Variants in NBEA observed in about 807,000 individuals in gnomAD.
NBEA encodes the protein lysosomal-trafficking regulator 2.
Under a neutral mutation model 343.4 loss-of-function variants are expected in NBEA, and 44 were observed. That is an observed-to-expected ratio of 0.13 (90% CI 0.10 to 0.16). The LOEUF (loss-of-function observed/expected upper bound fraction) is 0.16. Among genes scored for constraint, NBEA ranks in the 10% least tolerant of loss-of-function variants. NBEA has a pLI of 1.00. For synonymous variants in NBEA, 1,175 were observed against 1,238.7 expected (o/e 0.95, Z 1.08); for missense variants, 2,555 against 3,631.3 (o/e 0.70, Z 7.62).
intron 41 of NBEA, chr13:35,476,765 G>C (rs767558016): frequency 2.9e-5 from 30 of 1,043,238 alleles, no homozygotes; most frequent in Non-Finnish European, 3.5e-5. Context: ...CACTGGGCTC[G>C]TCACGACAGC....
chr13:35,091,342 T>G lies in NBEA; in HGVS notation c.1572-6955T>G, dbSNP rs1407397087. On this transcript the variant is annotated intron_variant, in intron 10 of 58. Coordinates refer to ENST00000379939, the MANE Select transcript of NBEA (RefSeq NM_001385012.1). ...AGAACTGAAAATATCAGGGATGTCA[T>G]GGAAAGGGAAGAACATGAGAAAGTA... Among the ~76,000 whole-genome samples the G allele has an allele frequency of 3.3e-5, 5 of 151,942 alleles. 1 individual carries two copies. The highest frequency in any genetic ancestry group is 7.4e-5 in the Non-Finnish European group (5 of 67,966).
chr13:35,304,875 T>A (rs1219126059), intron 35 of NBEA, among the ~76,000 whole-genome samples: 2 of 152,192 alleles, frequency 1.3e-5, no homozygotes, highest in Admixed American at 1.3e-4. Context: ...TTTTATCTGT[T>A]TACTTTATTA....
rs1022002828 is a variant in NBEA, at chr13:35,145,486, C to G, written c.2445+3109C>G. On this transcript the variant is annotated intron_variant, in intron 18 of 58. Coordinates refer to ENST00000379939, the MANE Select transcript of NBEA (RefSeq NM_001385012.1). ...CTTATCTGAGGCCTCTTTAGTGGGTCTGCATACAAGGATGTCATCCACATA... is the reference window on the plus strand; with the variant it reads ...CTTATCTGAGGCCTCTTTAGTGGGTGTGCATACAAGGATGTCATCCACATA... Among the ~76,000 whole-genome samples, 5 of 152,282 alleles carry G rather than the reference C, an allele frequency of 3.3e-5. No homozygotes were observed. The East Asian group carries it at 5.8e-4, about 18-fold the overall frequency.
intron 1 of NBEA, among the ~76,000 whole-genome samples, chr13:35,033,273 A>G (rs2062307213): frequency 6.6e-6 from 1 of 151,710 alleles, no homozygotes; most frequent in South Asian, 2.1e-4. Flanking sequence ...TCTTTTCCCT[A>G]GTGTATGTTC....
At chr13:35,074,874 T>A (rs1264794151) in intron 10 of NBEA, among the ~76,000 whole-genome samples, 1 of 152,074 alleles carries the variant, frequency 6.6e-6, no homozygotes, top group Non-Finnish European at 1.5e-5. Flanking sequence ...ATAATTCTGT[T>A]ACCTACAGTC....
chr13:35,210,910 T>C, intron 32 of NBEA, 143 bp from the exon 33 acceptor site: 1 of 766,770 alleles, frequency 1.3e-6, no homozygotes, highest in Non-Finnish European at 2.1e-6. Flanking sequence ...TTAGCATACT[T>C]ACTAATGGCC....
chr13:34,993,912 A>G (rs574932711), intron 1 of NBEA, among the ~76,000 whole-genome samples: 19 of 152,130 alleles, frequency 1.2e-4, no homozygotes, highest in African/African-American at 4.3e-4. Context: ...ATGGCTTCAT[A>G]AGGGGCTGGG....
intron 41 of NBEA, among the ~76,000 whole-genome samples, chr13:35,497,738 C>A (rs998350275): frequency 1.3e-5 from 2 of 152,020 alleles, no homozygotes; most frequent in Non-Finnish European, 2.9e-5. Flanking sequence ...TCAACTCTTA[C>A]AGGTGTCTGG....
At chr13:35,429,695 A>C (rs149447439) in intron 38 of NBEA, among the ~76,000 whole-genome samples, 2,042 of 151,852 alleles carry the variant, frequency 0.013, 56 homozygotes, top group African/African-American at 0.047. Context: ...TTAAGTGGTG[A>C]CTTCTGAGAT....
At chr13:35,404,374 C>G (rs1297658654) in intron 38 of NBEA, among the ~76,000 whole-genome samples, 1 of 150,304 alleles carries the variant, frequency 6.7e-6, no homozygotes, top group South Asian at 2.1e-4. Flanking sequence ...CAATGATAGA[C>G]TGGATTAAGA....
intron 49 of NBEA, among the ~76,000 whole-genome samples, chr13:35,638,967 C>T (rs1005077599): frequency 2.0e-5 from 3 of 152,152 alleles, no homozygotes; most frequent in African/African-American, 7.2e-5. Context: ...CTTAGATTTA[C>T]GCTAAAAGAA....
chr13:35,488,555 C>G (rs2076386849), intron 41 of NBEA, among the ~76,000 whole-genome samples: 1 of 151,896 alleles, frequency 6.6e-6, no homozygotes, highest in Non-Finnish European at 1.5e-5. Flanking sequence ...AATAAACTTT[C>G]AATGCAAATA....
chr13:35,244,872 G>A (rs1342070480), intron 34 of NBEA, among the ~76,000 whole-genome samples: 1 of 151,994 alleles, frequency 6.6e-6, no homozygotes, highest in Non-Finnish European at 1.5e-5. Flanking sequence ...CTATTGTAAA[G>A]GGGTTGAGTT....
chr13:35,146,572 G>A (rs1266164804), intron 18 of NBEA, among the ~76,000 whole-genome samples: 1 of 152,038 alleles, frequency 6.6e-6, no homozygotes, highest in African/African-American at 2.4e-5. Context: ...CCTCCTGCTT[G>A]TAGTGAGGAC....
chr13:35,549,887 T>C (rs2079232295), intron 41 of NBEA, among the ~76,000 whole-genome samples: 1 of 152,258 alleles, frequency 6.6e-6, no homozygotes, highest in Admixed American at 6.5e-5. Flanking sequence ...ATACTTGTTG[T>C]AAATAAAATT....
intron 24 of NBEA, among the ~76,000 whole-genome samples, chr13:35,166,764 A>G (rs1337285290): frequency 6.6e-6 from 1 of 152,098 alleles, no homozygotes; most frequent in Non-Finnish European, 1.5e-5. Flanking sequence ...TTCTTGCTAG[A>G]AGTTGTAACA....
chr13:35,550,835 A>G (rs1443893819), intron 42 of NBEA, 95 bp from the exon 43 acceptor site: 1 of 755,704 alleles, frequency 1.3e-6, no homozygotes, highest in Non-Finnish European at 2.2e-6. Flanking sequence ...AGCTTTACAA[A>G]TAAATCATGA....
At chr13:35,043,173 T>C (rs552699461) in intron 2 of NBEA, among the ~76,000 whole-genome samples, 1 of 152,002 alleles carries the variant, frequency 6.6e-6, no homozygotes, top group South Asian at 2.1e-4. Flanking sequence ...TTACTTTTAA[T>C]CTTGTTCTCC....
At chr13:35,496,887 C>T (rs2076702198) in intron 41 of NBEA, among the ~76,000 whole-genome samples, 1 of 151,920 alleles carries the variant, frequency 6.6e-6, no homozygotes, top group Non-Finnish European at 1.5e-5. Context: ...TCCCTTCCCC[C>T]AAACAAATTT....
Sources: gnomAD v4.1 joint callset for allele counts (sites outside exome capture counted in the v4.1 genomes callset) on GRCh38, gnomAD v4.1.1 for gene constraint, MANE v1.5 for transcripts, NCBI Gene and HGNC (gene_info 2026-07-23, HGNC 2026-07-21) for gene names.